NRG1: variants seen among roughly 807,000 people sequenced by gnomAD.
NRG1 encodes the protein neuregulin 1, also known as pro-neuregulin-1, membrane-bound isoform.
In NRG1, 18 loss-of-function variants were observed where a neutral mutation model predicts 63.8. That is an observed-to-expected ratio of 0.28 (90% CI 0.19 to 0.42). The LOEUF (loss-of-function observed/expected upper bound fraction) is 0.42, where lower values mean the gene tolerates loss of function less well. Among genes scored for constraint, NRG1 ranks in the 10% least tolerant of loss-of-function variants. The pLI is 1.00. For missense variants in NRG1, 762 were observed against 814.7 expected (o/e 0.94, Z 0.79); for synonymous variants, 302 against 301.3 (o/e 1.00, Z -0.02).
chr8:31,668,805 G>A (rs1319637406), intron 1 of NRG1, among the ~76,000 whole-genome samples: 1 of 152,178 alleles, frequency 6.6e-6, no homozygotes, highest in Non-Finnish European at 1.5e-5. Flanking sequence ...ATCATTGAAG[G>A]AGTTAATAAA....
intron 5 of NRG1, among the ~76,000 whole-genome samples, chr8:32,630,253 C>G (rs1466409137): frequency 6.6e-6 from 1 of 152,106 alleles, no homozygotes; most frequent in African/African-American, 2.4e-5. Context: ...ATGAGATGAC[C>G]AAATCTGCTT....
chr8:32,632,509 A>G (rs914526265), intron 5 of NRG1, among the ~76,000 whole-genome samples: 4 of 142,952 alleles, frequency 2.8e-5, no homozygotes, highest in African/African-American at 7.9e-5. Flanking sequence ...AGATCACGCC[A>G]TTGCACTCCA....
chr8:31,871,338 C>T (rs1297677472), intron 1 of NRG1, among the ~76,000 whole-genome samples: 2 of 152,146 alleles, frequency 1.3e-5, no homozygotes, highest in Non-Finnish European at 2.9e-5. Context: ...AGGGCTTGGA[C>T]CCAACCCCAG....
chr8:32,061,725 A>C (rs1427053363), intron 1 of NRG1: 2 of 152,026 alleles, frequency 1.3e-5, no homozygotes. Context: ...GTGAATGCCC[A>C]CAACAAGGCT....
chr8:32,420,629 C>T (rs1816596687), intron 1 of NRG1, among the ~76,000 whole-genome samples: 1 of 151,958 alleles, frequency 6.6e-6, no homozygotes, highest in South Asian at 2.1e-4. Context: ...AACCAAACTC[C>T]CATCAATGGA....
chr8:32,561,789 T>C (rs1479193614), intron 1 of NRG1, among the ~76,000 whole-genome samples: 1 of 151,762 alleles, frequency 6.6e-6, no homozygotes, highest in East Asian at 1.9e-4. Context: ...ATTATTAAAT[T>C]TCCAGGGCAG....
chr8:32,338,792 T>C (rs2129478146), intron 1 of NRG1, among the ~76,000 whole-genome samples: 1 of 152,334 alleles, frequency 6.6e-6, no homozygotes, highest in East Asian at 1.9e-4. Flanking sequence ...AATCCAAACA[T>C]GCCTAGGTAT....
intron 1 of NRG1, among the ~76,000 whole-genome samples, chr8:32,102,614 A>T (rs1585305340): frequency 6.6e-6 from 1 of 152,194 alleles, no homozygotes; most frequent in African/African-American, 2.4e-5. Context: ...GATGTGCATT[A>T]TCTCTGTGCT....
At chr8:32,083,884 T>A (rs1827863255) in intron 1 of NRG1, among the ~76,000 whole-genome samples, 1 of 152,162 alleles carries the variant, frequency 6.6e-6, no homozygotes, top group African/African-American at 2.4e-5. Context: ...TCTTAGCAAC[T>A]TTCAAAGGAA....
At chr8:32,199,768 A>T (rs60981644) in intron 1 of NRG1, among the ~76,000 whole-genome samples, 8,462 of 151,944 alleles carry the variant, frequency 0.056, 401 homozygotes, top group East Asian at 0.26. Context: ...TAATTTTTAA[A>T]ATTCTCTCAT....
At chr8:31,734,541 A>G (rs1478330239) in intron 1 of NRG1, among the ~76,000 whole-genome samples, 1 of 152,222 alleles carries the variant, frequency 6.6e-6, no homozygotes. Flanking sequence ...CTTTCTTTCA[A>G]AAAGTGGAAG....
intron 1 of NRG1, among the ~76,000 whole-genome samples, chr8:32,203,458 C>T (rs1299433372): frequency 6.6e-6 from 1 of 151,918 alleles, no homozygotes; most frequent in Non-Finnish European, 1.5e-5. Flanking sequence ...CATGCAACCT[C>T]TGTCTCCCAG....
chr8:32,165,029 C>G (rs1839253481), intron 1 of NRG1, among the ~76,000 whole-genome samples: 1 of 152,150 alleles, frequency 6.6e-6, no homozygotes, highest in South Asian at 2.1e-4. Context: ...CCCCACCCCC[C>G]AACACACACA....
At chr8:32,122,207 A>T (rs1056388783) in intron 1 of NRG1, among the ~76,000 whole-genome samples, 5 of 152,016 alleles carry the variant, frequency 3.3e-5, no homozygotes, top group Non-Finnish European at 7.4e-5. Flanking sequence ...GGGGGGAAAT[A>T]AACAACAGGC....
At chr8:32,614,601 A>G in intron 4 of NRG1, 37 bp downstream of exon 4, 13 of 1,597,364 alleles carry the variant, frequency 8.1e-6, no homozygotes, top group Non-Finnish European at 1.0e-5. Flanking sequence ...TACTAACCAG[A>G]ATGACAACCA....
chr8:32,051,933 A>T (rs1011589063), intron 1 of NRG1, among the ~76,000 whole-genome samples: 42 of 152,156 alleles, frequency 2.8e-4, no homozygotes, highest in African/African-American at 9.9e-4. Context: ...TGAGACATTA[A>T]AATAGTAGAG....
rs1811159387 is a variant in NRG1, at chr8:32,690,009, T to A, written c.503-37940T>A. Among the ~76,000 whole-genome samples the A allele has an allele frequency of 2.0e-5, 3 of 152,144 alleles. No individual in the cohort carries two copies. The South Asian group carries it at 6.2e-4, about 32-fold the overall frequency. ...TCTGGGGTCAATCTAGGACTTCAGG[T>A]CTATTTTAGGGAAAGCATTCTAGAA... is the stretch of plus-strand genomic sequence containing the variant. On this transcript the variant is annotated intron_variant, in intron 5 of 11. Transcript: ENST00000356819.
intron 1 of NRG1, among the ~76,000 whole-genome samples, chr8:32,162,741 T>C (rs1838975314): frequency 1.3e-5 from 2 of 152,086 alleles, no homozygotes; most frequent in Admixed American, 6.5e-5. Flanking sequence ...AAATTCATAG[T>C]TCCCCAAATT....
chr8:32,270,866 A>T (rs1453290900), intron 1 of NRG1, among the ~76,000 whole-genome samples: 1 of 152,176 alleles, frequency 6.6e-6, no homozygotes, highest in East Asian at 1.9e-4. Context: ...GAAAATTGTA[A>T]TCCAGTTGTT....
Sources: gnomAD v4.1 joint callset for allele counts (sites outside exome capture counted in the v4.1 genomes callset) on GRCh38, gnomAD v4.1.1 for gene constraint, MANE v1.5 for transcripts, NCBI Gene and HGNC (gene_info 2026-07-23, HGNC 2026-07-21) for gene names.